The following CACNA2D3 variants were observed in gnomAD, a reference collection of about 807,000 sequenced individuals.
CACNA2D3 encodes calcium voltage-gated channel auxiliary subunit alpha2delta 3.
A neutral mutation model predicts 160.6 loss-of-function variants in CACNA2D3; 60 were observed. The observed-to-expected ratio is 0.37, with a 90% CI of 0.30 to 0.46. The LOEUF is 0.46. CACNA2D3 is among the 20% of genes least tolerant of loss of function. CACNA2D3 has a pLI of 1.00. For synonymous variants in CACNA2D3, 558 were observed against 492.9 expected (o/e 1.13, Z -1.75); for missense variants, 1,205 against 1,365.0 (o/e 0.88, Z 1.85).
intron 4 of CACNA2D3, among the ~76,000 whole-genome samples, chr3:54,474,056 C>T (rs2106881036): frequency 6.6e-6 from 1 of 152,170 alleles, no homozygotes; most frequent in East Asian, 1.9e-4. Flanking sequence ...GGGTATATAC[C>T]CAAAGGATTA....
At position 54,763,801 on chromosome 3, in the gene CACNA2D3, A is replaced by ATATATACGTATATATATG. The variant is rs1702148955; in HGVS notation, c.1247-417_1247-416insTATATACGTATATATATG. Among the ~76,000 whole-genome samples the ATATATACGTATATATATG allele has an allele frequency of 5.3e-4, 8 of 15,236 alleles. 1 individual carries two copies. Among genetic ancestry groups the ATATATACGTATATATATG allele is most frequent in the Admixed American group, 8.8e-4 (1 of 1,136 alleles). 10.0% of individuals were successfully genotyped at this position (15,236 alleles called of 152,430 possible). A position where few individuals can be genotyped will look rare whatever the true frequency, so the allele number is the denominator to read the frequency against. On this transcript the variant is annotated intron_variant, in intron 12 of 37. Transcript: ENST00000474759. ...TGTACATATATATGTATATATATGT[A>ATATATACGTATATATATG]CATATATATACATATATATATACGT... is the stretch of plus-strand genomic sequence containing the variant.
chr3:54,909,983 G>T (rs1441400921), intron 27 of CACNA2D3, among the ~76,000 whole-genome samples: 2 of 152,176 alleles, frequency 1.3e-5, no homozygotes, highest in African/African-American at 2.4e-5. Flanking sequence ...GCTTTGATCA[G>T]TGTCTGGTGG....
intron 11 of CACNA2D3, among the ~76,000 whole-genome samples, chr3:54,685,482 T>A (rs980902758): frequency 6.6e-6 from 1 of 152,224 alleles, no homozygotes. Flanking sequence ...CTGGAGTGAA[T>A]CAGTCAGTCA....
At chr3:54,918,912 A>ATCCCAGCACTTTGGGAG (rs766929211) in intron 27 of CACNA2D3, 1 of 1,512,958 alleles carries the variant, frequency 6.6e-7, no homozygotes, top group African/African-American at 1.4e-5. Flanking sequence ...ACAAAAGCAA[A>ATCCCAGCACTTTGGGAG]GAACAATAAC....
At chr3:54,164,996 C>T (rs963752383) in intron 2 of CACNA2D3, among the ~76,000 whole-genome samples, 32 of 152,178 alleles carry the variant, frequency 2.1e-4, no homozygotes, top group African/African-American at 7.5e-4. Context: ...CTGTTACTGC[C>T]GCTTTCACCT....
intron 17 of CACNA2D3, among the ~76,000 whole-genome samples, chr3:54,857,289 G>A (rs919341153): frequency 6.6e-5 from 10 of 152,184 alleles, no homozygotes; most frequent in East Asian, 3.8e-4. Flanking sequence ...GCTGCATGTC[G>A]TGAAGTCGTT....
chr3:54,550,248 C>T (rs987157314), intron 5 of CACNA2D3, among the ~76,000 whole-genome samples: 5 of 152,208 alleles, frequency 3.3e-5, no homozygotes, highest in East Asian at 1.9e-4. Flanking sequence ...CTGCATCGCC[C>T]GTCCCCTGCA....
At chr3:54,924,602 A>G (rs1460691932) in intron 27 of CACNA2D3, 3 of 1,593,826 alleles carry the variant, frequency 1.9e-6, no homozygotes, top group East Asian at 2.2e-5. Flanking sequence ...GGGGGGTTCC[A>G]AATAGACATG....
chr3:54,997,063 C>A (rs968367982), intron 31 of CACNA2D3, among the ~76,000 whole-genome samples: 2 of 152,022 alleles, frequency 1.3e-5, no homozygotes, highest in Admixed American at 6.6e-5. Context: ...AGGAGAAATA[C>A]CTAATGTAGA....
At chr3:54,440,015 G>A (rs1242921084) in intron 4 of CACNA2D3, among the ~76,000 whole-genome samples, 3 of 152,058 alleles carry the variant, frequency 2.0e-5, no homozygotes, top group East Asian at 1.9e-4. Context: ...GGCCAGCCTA[G>A]CATTCAGTCA....
intron 25 of CACNA2D3, among the ~76,000 whole-genome samples, chr3:54,893,777 A>G (rs552990135): frequency 1.5e-5 from 2 of 137,648 alleles, no homozygotes; most frequent in South Asian, 2.3e-4. Flanking sequence ...GTCACCCCCA[A>G]TAGTTATAAT....
At chr3:54,347,738 C>A (rs930189272) in intron 3 of CACNA2D3, among the ~76,000 whole-genome samples, 1 of 151,940 alleles carries the variant, frequency 6.6e-6, no homozygotes, top group African/African-American at 2.4e-5. Flanking sequence ...CCCCATGGAT[C>A]TGGTAAGATG....
chr3:54,972,494 A>G (rs1465341983), intron 29 of CACNA2D3, among the ~76,000 whole-genome samples: 2 of 152,064 alleles, frequency 1.3e-5, no homozygotes, highest in Admixed American at 1.3e-4. Flanking sequence ...CTCTCCCCCA[A>G]CTGCCCTCGA....
chr3:54,260,158 G>A (rs1187358919), intron 2 of CACNA2D3, among the ~76,000 whole-genome samples: 2 of 152,090 alleles, frequency 1.3e-5, no homozygotes. Flanking sequence ...GTATTGTGCA[G>A]AGATGTCACA....
intron 3 of CACNA2D3, among the ~76,000 whole-genome samples, chr3:54,356,483 T>C (rs1226435360): frequency 6.6e-6 from 1 of 152,192 alleles, no homozygotes; most frequent in African/African-American, 2.4e-5. Flanking sequence ...GGTCTAACCT[T>C]GACACAGTGT....
At chr3:54,912,924 C>T (rs1700589686) in intron 27 of CACNA2D3, among the ~76,000 whole-genome samples, 2 of 152,046 alleles carry the variant, frequency 1.3e-5, no homozygotes, top group African/African-American at 4.8e-5. Flanking sequence ...TAAATGTCCT[C>T]AGATACCCTA....
chr3:54,339,968 A>G (rs931766237), intron 3 of CACNA2D3, among the ~76,000 whole-genome samples: 2 of 152,196 alleles, frequency 1.3e-5, no homozygotes, highest in African/African-American at 4.8e-5. Flanking sequence ...AAGATGCTGG[A>G]GAGTTATTTC....
At chr3:55,050,742 A>G (rs990163276) in intron 35 of CACNA2D3, among the ~76,000 whole-genome samples, 19 of 131,898 alleles carry the variant, frequency 1.4e-4, no homozygotes, top group East Asian at 4.1e-4. Flanking sequence ...CAGGTACACC[A>G]ATCAGACGTA....
At chr3:54,479,442 C>A (rs1028611047) in intron 4 of CACNA2D3, among the ~76,000 whole-genome samples, 3 of 152,166 alleles carry the variant, frequency 2.0e-5, no homozygotes, top group African/African-American at 7.2e-5. Context: ...TACTTCACAG[C>A]GAAAATTGAT....
Sources: allele counts gnomAD v4.1 joint callset (sites outside exome capture counted in the v4.1 genomes callset), GRCh38; gene constraint gnomAD v4.1.1; transcripts MANE v1.5; gene names NCBI Gene and HGNC (gene_info 2026-07-23, HGNC 2026-07-21).